The following ERC2 variants were observed in gnomAD, a reference collection of about 807,000 sequenced individuals.
ERC2 encodes the protein ELKS/RAB6-interacting/CAST family member 2.
In ERC2, 42 loss-of-function variants were observed where a neutral mutation model predicts 114.8. The ratio of observed to expected loss-of-function variants is 0.37; its 90% CI spans 0.29 to 0.47. ERC2 has a LOEUF of 0.47. Ranked by LOEUF, ERC2 falls within the 20% of genes least tolerant of loss-of-function variation. The probability of loss-of-function intolerance (pLI) is 0.99; values close to 1 mark genes in which losing one functional copy is unlikely to be tolerated. For synonymous variants in ERC2, 454 were observed against 425.5 expected (o/e 1.07, Z -0.82); for missense variants, 939 against 1,150.7 (o/e 0.82, Z 2.66).
At position 56,149,864 on chromosome 3, in the gene ERC2, T is replaced by C. The variant is rs573691263; in HGVS notation, c.1150-732A>G. 2.6e-5 allele frequency among the ~76,000 whole-genome samples: 4 copies of C among 152,238 alleles called. No individual in the cohort carries two copies. In the East Asian group the frequency reaches 7.7e-4, roughly 29 times the overall value. Reference sequence around the variant, plus strand: ...ATATTACACTCAGATGTGGAATTAATTGGGAAAAAATTACCAATGACAGAC... The same window carrying C: ...ATATTACACTCAGATGTGGAATTAACTGGGAAAAAATTACCAATGACAGAC... On this transcript the variant is annotated intron_variant, in intron 4 of 17. Coordinates refer to ENST00000288221, the MANE Select transcript of ERC2 (RefSeq NM_015576.3).
At chr3:55,880,798 A>G (rs890668717) in intron 14 of ERC2, among the ~76,000 whole-genome samples, 106 of 152,110 alleles carry the variant, frequency 7.0e-4, no homozygotes, top group Non-Finnish European at 2.2e-4. Context: ...AGCAAAAAAA[A>G]AAAAGAAAAA....
At chr3:56,015,382 C>G (rs1023756408) in intron 8 of ERC2, among the ~76,000 whole-genome samples, 2 of 150,152 alleles carry the variant, frequency 1.3e-5, no homozygotes, top group Non-Finnish European at 3.0e-5. Flanking sequence ...TTCCAACAGG[C>G]CCCAGTGTGT....
intron 4 of ERC2, among the ~76,000 whole-genome samples, chr3:56,168,097 C>G (rs1335783433): frequency 1.3e-5 from 2 of 152,134 alleles, no homozygotes; most frequent in Middle Eastern, 3.2e-3. Context: ...AGTGCAAGAG[C>G]TTTGAGGAGA....
chr3:56,412,030 A>T (rs2107121635), intron 2 of ERC2, among the ~76,000 whole-genome samples: 1 of 152,318 alleles, frequency 6.6e-6, no homozygotes, highest in South Asian at 2.1e-4. Flanking sequence ...GATATAATCG[A>T]AGTTAAAGAT....
intron 15 of ERC2, among the ~76,000 whole-genome samples, chr3:55,712,557 A>G (rs1456377493): frequency 6.6e-6 from 1 of 152,170 alleles, no homozygotes; most frequent in Non-Finnish European, 1.5e-5. Flanking sequence ...TGTTGGTAGA[A>G]ACAATCTAAT....
At chr3:55,609,372 G>T (rs1328911803) in intron 17 of ERC2, among the ~76,000 whole-genome samples, 2 of 152,160 alleles carry the variant, frequency 1.3e-5, no homozygotes, top group East Asian at 1.9e-4. Flanking sequence ...ATGAGCACAT[G>T]ATCCCATCAA....
intron 12 of ERC2, among the ~76,000 whole-genome samples, chr3:55,978,988 G>A (rs781335003): frequency 9.9e-5 from 15 of 152,118 alleles, no homozygotes; most frequent in Non-Finnish European, 1.9e-4. Flanking sequence ...ACTCAGCAAG[G>A]CGATAGGACA....
intron 3 of ERC2, among the ~76,000 whole-genome samples, chr3:56,178,137 G>T (rs1003478253): frequency 6.6e-6 from 1 of 152,178 alleles, no homozygotes; most frequent in Non-Finnish European, 1.5e-5. Flanking sequence ...TGGCGTTAAT[G>T]AGAGTCTAGA....
chr3:55,679,558 T>A (rs2061962851), intron 17 of ERC2, among the ~76,000 whole-genome samples: 1 of 152,168 alleles, frequency 6.6e-6, no homozygotes, highest in Non-Finnish European at 1.5e-5. Context: ...TCGTCACTGG[T>A]TTCCTAGCAT....
chr3:55,797,349 C>T (rs764794184), intron 14 of ERC2, among the ~76,000 whole-genome samples: 3 of 152,130 alleles, frequency 2.0e-5, no homozygotes, highest in Non-Finnish European at 2.9e-5. Context: ...TTTGTACAAC[C>T]GAGAGACTCA....
At chr3:56,076,770 T>A (rs2076996464) in intron 7 of ERC2, among the ~76,000 whole-genome samples, 1 of 152,150 alleles carries the variant, frequency 6.6e-6, no homozygotes, top group African/African-American at 2.4e-5. Flanking sequence ...CCTCACTTCC[T>A]TCTTCAAGTG....
At chr3:55,679,474 G>C (rs979228442) in intron 17 of ERC2, among the ~76,000 whole-genome samples, 3 of 152,178 alleles carry the variant, frequency 2.0e-5, no homozygotes, top group African/African-American at 7.2e-5. Context: ...TTTCTATTGA[G>C]ATGTCTAATT....
At chr3:55,904,263 C>T (rs2064304047) in intron 13 of ERC2, among the ~76,000 whole-genome samples, 2 of 151,990 alleles carry the variant, frequency 1.3e-5, no homozygotes, top group Admixed American at 1.3e-4. Flanking sequence ...ATTTTAATGG[C>T]CAGAGTACCA....
intron 10 of ERC2, among the ~76,000 whole-genome samples, chr3:56,005,084 A>T (rs931198150): frequency 6.6e-6 from 1 of 152,094 alleles, no homozygotes; most frequent in Non-Finnish European, 1.5e-5. Flanking sequence ...GACAGCCAAA[A>T]ATAACAAAAT....
At chr3:55,833,653 T>C (rs2060725729) in intron 14 of ERC2, among the ~76,000 whole-genome samples, 1 of 152,072 alleles carries the variant, frequency 6.6e-6, no homozygotes. Flanking sequence ...CACTGCAAAA[T>C]CATGCCAAAT....
chr3:56,315,049 A>G (rs2056798166), intron 2 of ERC2, among the ~76,000 whole-genome samples: 3 of 152,110 alleles, frequency 2.0e-5, no homozygotes, highest in African/African-American at 7.2e-5. Flanking sequence ...CCCTTCCACC[A>G]CATGCCACTG....
intron 14 of ERC2, among the ~76,000 whole-genome samples, chr3:55,821,828 C>A (rs527865678): frequency 6.6e-6 from 1 of 152,334 alleles, no homozygotes; most frequent in African/African-American, 2.4e-5. Flanking sequence ...TGGAGAATAT[C>A]TCTCAATAAT....
chr3:55,699,505 T>C lies in ERC2; in HGVS notation c.2720A>G (p.Asn907Ser), dbSNP rs979788013. 9 of 1,611,750 alleles carry C rather than the reference T, an allele frequency of 5.6e-6. No individual in the cohort carries two copies. The highest frequency in any genetic ancestry group is 7.6e-6 in the Non-Finnish European group (9 of 1,178,300). Residue 907 changes from asparagine (N) to serine (S), a missense_variant, in exon 16 of 18, where the codon AAC (asparagine) becomes AGC (serine). By Grantham distance (46) the Asn-to-Ser change is conservative. This residue lies in a region of ERC2 where 328 missense variants were observed against 353.9 expected (regional missense o/e 0.93). Transcript: ENST00000288221. ...LVHQLKQQTQ[N>S]RMKLMADNYD... ...GTTGTCTGCCATCAACTTCATTCTGTTCTGGGTCTGTGCAGAACAAAAACC... is the reference window on the plus strand; with the variant it reads ...GTTGTCTGCCATCAACTTCATTCTGCTCTGGGTCTGTGCAGAACAAAAACC...
At chr3:55,660,174 G>C (rs115209343) in intron 17 of ERC2, among the ~76,000 whole-genome samples, 1 of 152,134 alleles carries the variant, frequency 6.6e-6, no homozygotes, top group Admixed American at 6.5e-5. Context: ...GGCTGAATTT[G>C]AGGTCACAAT....
Sources: allele counts gnomAD v4.1 joint callset (sites outside exome capture counted in the v4.1 genomes callset), GRCh38; gene constraint gnomAD v4.1.1; regional missense constraint gnomAD v4.1.1; transcripts MANE v1.5; gene names NCBI Gene and HGNC (gene_info 2026-07-23, HGNC 2026-07-21).